Variants in SRP19 observed in about 807,000 individuals in gnomAD.
SRP19 encodes signal recognition particle 19 kDa protein.
A neutral mutation model predicts 22.4 loss-of-function variants in SRP19; 11 were observed. The ratio of observed to expected loss-of-function variants is 0.49; its 90% CI spans 0.31 to 0.81. The LOEUF (loss-of-function observed/expected upper bound fraction) is 0.81. Among genes scored for constraint, SRP19 ranks in the 40% least tolerant of loss-of-function variants. SRP19 has a pLI of 0.05. For synonymous variants in SRP19, 61 were observed against 57.6 expected (o/e 1.06, Z -0.27); for missense variants, 168 against 175.9 (o/e 0.96, Z 0.25).
At chr5:112,879,711 C>T (rs538713624) in intron 4 of SRP19, among the ~76,000 whole-genome samples, 33 of 151,970 alleles carry the variant, frequency 2.2e-4, no homozygotes, top group Non-Finnish European at 1.6e-4. Context: ...TTCCTGACCT[C>T]GTGATCTGCC....
chr5:112,877,893 G>GCAT (rs1767945323), intron 4 of SRP19: 1 of 152,034 alleles, frequency 6.6e-6, no homozygotes. Context: ...TTCCATTGTA[G>GCAT]CATCTTGACA....
intron 4 of SRP19, chr5:112,877,903 A>G (rs992065804): frequency 1.3e-5 from 2 of 152,184 alleles, no homozygotes; most frequent in Non-Finnish European, 2.9e-5. Context: ...GCATCTTGAC[A>G]ATAGACAAAT....
At chr5:112,884,147 C>T (rs1768159854) in intron 4 of SRP19, among the ~76,000 whole-genome samples, 1 of 152,168 alleles carries the variant, frequency 6.6e-6, no homozygotes, top group South Asian at 2.1e-4. Flanking sequence ...GATCATTTTG[C>T]TTCTGTGGTT....
chr5:112,890,745 T>C (rs937922246), intron 4 of SRP19, among the ~76,000 whole-genome samples: 1 of 150,698 alleles, frequency 6.6e-6, no homozygotes, highest in African/African-American at 2.5e-5. Flanking sequence ...AGAGTTAATA[T>C]AGTATATAGA....
At chr5:112,866,234 A>G (rs1767601370) in intron 4 of SRP19, among the ~76,000 whole-genome samples, 1 of 151,272 alleles carries the variant, frequency 6.6e-6, no homozygotes, top group South Asian at 2.1e-4. Flanking sequence ...CTCCTGCCTC[A>G]GCCGTCTGAG....
chr5:112,890,267 G>C (rs967049527), intron 4 of SRP19, among the ~76,000 whole-genome samples: 1 of 150,324 alleles, frequency 6.7e-6, no homozygotes, highest in African/African-American at 2.5e-5. Flanking sequence ...TCCAGGCTTG[G>C]TGAGACAGCA....
intron 4 of SRP19, among the ~76,000 whole-genome samples, chr5:112,875,101 G>A (rs748353966): frequency 3.3e-5 from 5 of 152,108 alleles, no homozygotes; most frequent in East Asian, 1.9e-4. Context: ...GGGAAGCATC[G>A]ATCTAACCAA....
chr5:112,873,271 C>CTTTTTTTTTTTTTTTTTTTTT (rs35379154), downstream of SRP19, among the ~76,000 whole-genome samples: 1 of 50,722 alleles, frequency 2.0e-5, no homozygotes, highest in Non-Finnish European at 3.4e-5. Context: ...CTCAGGTTTT[C>CTTTTTTTTTTTTTTTTTTTTT]TTTTTTTTTT....
At chr5:112,863,844 T>C (rs1004975710) in intron 2 of SRP19, among the ~76,000 whole-genome samples, 10 of 152,238 alleles carry the variant, frequency 6.6e-5, no homozygotes, top group African/African-American at 2.2e-4. Flanking sequence ...TGGTATTTTT[T>C]TGTAGCAATG....
At chr5:112,888,476 G>A (rs1370934325) in intron 4 of SRP19, among the ~76,000 whole-genome samples, 1 of 152,188 alleles carries the variant, frequency 6.6e-6, no homozygotes, top group Non-Finnish European at 1.5e-5. Flanking sequence ...AGGCTGGAGT[G>A]CAGTGGCATG....
downstream of SRP19, among the ~76,000 whole-genome samples, chr5:112,870,890 T>G (rs1767744162): frequency 6.6e-6 from 1 of 152,156 alleles, no homozygotes; most frequent in African/African-American, 2.4e-5. Flanking sequence ...CAAATACACA[T>G]TGCCCAGGCT....
chr5:112,888,495 T>C (rs548860304), intron 4 of SRP19, among the ~76,000 whole-genome samples: 2 of 152,280 alleles, frequency 1.3e-5, no homozygotes, highest in Non-Finnish European at 2.9e-5. Flanking sequence ...TGAACATGGC[T>C]TACTGCAGCC....
chr5:112,880,266 T>C (rs1561645354), intron 4 of SRP19, among the ~76,000 whole-genome samples: 2 of 151,920 alleles, frequency 1.3e-5, no homozygotes, highest in Admixed American at 6.6e-5. Flanking sequence ...AAAAGAAAAA[T>C]ATATTTTCTT....
rs1012264088 is a variant in SRP19 at position 112,869,129 on chromosome 5, A to G, written c.*1592A>G. Reference sequence around the variant, plus strand: ...GATTTAAGCAGGATATTTTTGCCTCATATGTTAAATCCAAGTGAGGTTGCT... The same window carrying G: ...GATTTAAGCAGGATATTTTTGCCTCGTATGTTAAATCCAAGTGAGGTTGCT... On this transcript the variant is annotated 3_prime_UTR_variant, in exon 5 of 5. Coordinates refer to ENST00000505459, the MANE Select transcript of SRP19 (RefSeq NM_003135.3). The G allele has an allele frequency of 6.6e-6, 1 of 152,196 alleles. No homozygotes were observed. Among genetic ancestry groups the G allele is most frequent in the Non-Finnish European group, 1.5e-5 (1 of 68,028 alleles). 9.4% of individuals were successfully genotyped at this position (152,196 alleles called of 1,614,324 possible).
At chr5:112,871,012 C>T (rs1485574255), downstream of SRP19, among the ~76,000 whole-genome samples, 2 of 152,052 alleles carry the variant, frequency 1.3e-5, no homozygotes, top group East Asian at 3.9e-4. Flanking sequence ...GCCACTGTAC[C>T]CAGCTAATTT....
At chr5:112,880,632 C>T (rs1303855914) in intron 4 of SRP19, among the ~76,000 whole-genome samples, 3 of 152,212 alleles carry the variant, frequency 2.0e-5, no homozygotes, top group Non-Finnish European at 2.9e-5. Flanking sequence ...AATGTGGCAG[C>T]ATGTAAATTC....
intron 4 of SRP19, chr5:112,878,947 C>T (rs903155884): frequency 1.3e-6 from 2 of 1,525,578 alleles, no homozygotes; most frequent in East Asian, 2.3e-5. Context: ...TTGGATGACT[C>T]ATGTTCAGGT....
rs1432918744 is a variant in SRP19 at position 112,863,673 on chromosome 5, G to GT, written c.118-777dup. 5.3e-5 allele frequency among the ~76,000 whole-genome samples: 8 copies of GT among 152,102 alleles called. No individual in the cohort carries two copies. In the East Asian group the frequency reaches 1.4e-3, roughly 26 times the overall value. On this transcript the variant is annotated intron_variant, in intron 2 of 4. Coordinates refer to ENST00000505459, the MANE Select transcript of SRP19 (RefSeq NM_003135.3). Reference sequence around the variant, plus strand: ...GTCTTTTCTACCTTCTTTTTTGTTTGTTTTTTTAAGAGACAGGGTCTGGCT... The same window carrying GT: ...GTCTTTTCTACCTTCTTTTTTGTTTGTTTTTTTTAAGAGACAGGGTCTGGCT...
At chr5:112,867,228 C>G in intron 4 of SRP19, 176 bp from the exon 5 acceptor site, 1 of 643,046 alleles carries the variant, frequency 1.6e-6, no homozygotes, top group South Asian at 3.2e-5. Flanking sequence ...ACTCTCAGTA[C>G]ATTTCCCCCG....
Sources: gnomAD v4.1 joint callset for allele counts (sites outside exome capture counted in the v4.1 genomes callset) on GRCh38, gnomAD v4.1.1 for gene constraint, MANE v1.5 for transcripts, NCBI Gene and HGNC (gene_info 2026-07-23, HGNC 2026-07-21) for gene names.